Variants in MFAP3 observed in about 807,000 individuals in gnomAD.
MFAP3 encodes the protein microfibril associated protein 3, also known as microfibril-associated glycoprotein 3.
A neutral mutation model predicts 20.5 loss-of-function variants in MFAP3; 8 were observed. That is an observed-to-expected ratio of 0.39 (90% confidence interval 0.23 to 0.70). The LOEUF is 0.70. Among genes scored for constraint, MFAP3 ranks in the 30% least tolerant of loss-of-function variants. The pLI, the probability that MFAP3 is intolerant of heterozygous loss-of-function variation, is 0.44. For synonymous variants in MFAP3, 140 were observed against 154.0 expected (o/e 0.91, Z 0.67); for missense variants, 398 against 444.6 (o/e 0.90, Z 0.94).
intron 1 of MFAP3, among the ~76,000 whole-genome samples, chr5:154,041,534 A>G (rs1772952057): frequency 6.6e-6 from 1 of 152,254 alleles, no homozygotes; most frequent in South Asian, 2.1e-4. Flanking sequence ...ATTATCGTAC[A>G]TAGAGGCACC....
In MFAP3 at chr5:154,054,029, T is replaced by C. The variant is rs1034699663; in HGVS notation, c.*316T>C. 3.8e-5 allele frequency: 10 copies of C among 263,474 alleles called. No homozygotes were observed. The highest frequency in any genetic ancestry group is 7.8e-6 in the Non-Finnish European group (1 of 128,698). The allele number at this position is 263,474 out of a possible 1,614,324, so 16.3% of individuals were successfully genotyped here. On this transcript the variant is annotated 3_prime_UTR_variant, in exon 3 of 3. Coordinates refer to ENST00000522782, the MANE Select transcript of MFAP3 (RefSeq NM_005927.5). ...TCTCTTCTGGTCACAGTTCTTCCATTGGTTGGATCTGATACTTATCTTGGG... is the reference window on the plus strand; with the variant it reads ...TCTCTTCTGGTCACAGTTCTTCCATCGGTTGGATCTGATACTTATCTTGGG...
In MFAP3 at chr5:154,053,585, C is replaced by T. The variant is rs1773255586; in HGVS notation, c.961C>T (p.Gln321Ter). 6.2e-7 allele frequency: 1 copy of T among 1,613,804 alleles called. No homozygotes were observed. The highest frequency in any genetic ancestry group is 1.3e-5 in the African/African-American group (1 of 74,890). Residue 321 changes from glutamine (Q) to a stop codon, truncating the protein, a stop_gained, in exon 3 of 3, where the codon CAG becomes TAG. Coordinates refer to ENST00000522782, the MANE Select transcript of MFAP3 (RefSeq NM_005927.5). LOFTEE classifies it high-confidence loss of function. ...EIAVQVSVHL[Q>*]SETKSIDTES... The stretch of plus-strand genomic sequence containing the variant: ...AGCAGTTCAGGTTTCTGTCCACCTT[C>T]AGTCAGAAACCAAAAGTATTGATAC...
rs562869882 is a variant in MFAP3 at position 154,056,843 on chromosome 5, G to T, written c.*3130G>T. On this transcript the variant is annotated 3_prime_UTR_variant, in exon 3 of 3. Coordinates refer to ENST00000522782, the MANE Select transcript of MFAP3 (RefSeq NM_005927.5). ...TTAATTCTTGAGTCAGGGCCAGCAC[G>T]CATTTATATTTTCTACCAATTACCT... 3.9e-5 allele frequency among the ~76,000 whole-genome samples: 6 copies of T among 152,138 alleles called. No individual in the cohort carries two copies. Among genetic ancestry groups the T allele is most frequent in the Admixed American group, 1.3e-4 (2 of 15,270 alleles).
intron 1 of MFAP3, among the ~76,000 whole-genome samples, chr5:154,048,054 A>G (rs1561589402): frequency 6.6e-6 from 1 of 152,202 alleles, no homozygotes; most frequent in East Asian, 1.9e-4. Context: ...GTTTCTACCC[A>G]TCACCCCCTC....
intron 2 of MFAP3, among the ~76,000 whole-genome samples, chr5:154,052,226 T>A (rs995223657): frequency 1.3e-5 from 2 of 152,056 alleles, no homozygotes; most frequent in African/African-American, 4.8e-5. Context: ...TTGCCAAGCT[T>A]TTCATTTACC....
At chr5:154,043,040 A>G (rs968336402) in intron 1 of MFAP3, among the ~76,000 whole-genome samples, 4 of 152,178 alleles carry the variant, frequency 2.6e-5, no homozygotes, top group African/African-American at 7.2e-5. Context: ...CGGCAACAAG[A>G]CAATCTGTTA....
At chr5:154,039,887 G>T (rs1441625509) in intron 1 of MFAP3, among the ~76,000 whole-genome samples, 2 of 152,138 alleles carry the variant, frequency 1.3e-5, no homozygotes, top group Non-Finnish European at 2.9e-5. Flanking sequence ...AAGAGTAATT[G>T]TCACTTCTAA....
At position 154,053,106 on chromosome 5, in the gene MFAP3, T is replaced by C. The variant is rs1773239281; in HGVS notation, c.482T>C (p.Ile161Thr). 1.2e-6 allele frequency: 2 copies of C among 1,613,940 alleles called. No homozygotes were observed. Among genetic ancestry groups the C allele is most frequent in the Admixed American group, 1.7e-5 (1 of 59,960 alleles). The stretch of plus-strand genomic sequence containing the variant: ...ATTGTTTGCCTGATTGCCTTTACAA[T>C]CACACTCATCTTGAATGTCACACGG... ...YMIVCLIAFTITLILNVTRLC... is the reference protein window; with the variant it reads ...YMIVCLIAFTTTLILNVTRLC... The change falls in exon 3 of 3, where the codon ATC (isoleucine) becomes ACC (threonine). Residue 161 changes from isoleucine (I) to threonine (T), a missense_variant. By Grantham distance (89) the Ile-to-Thr change is moderately conservative. Transcript: ENST00000522782.
At chr5:154,045,802 T>C (rs1365937181) in intron 1 of MFAP3, among the ~76,000 whole-genome samples, 7 of 152,252 alleles carry the variant, frequency 4.6e-5, no homozygotes, top group Non-Finnish European at 8.8e-5. Flanking sequence ...TCTGCTACCC[T>C]GCTCTTATTA....
chr5:154,051,775 A>T (rs1010061932), intron 2 of MFAP3: 2 of 152,182 alleles, frequency 1.3e-5, no homozygotes, highest in African/African-American at 4.8e-5. Flanking sequence ...AATGGACAAA[A>T]TCCAGAGTGC....
chr5:154,044,178 A>G (rs1016616602), intron 1 of MFAP3, among the ~76,000 whole-genome samples: 2 of 152,220 alleles, frequency 1.3e-5, no homozygotes, highest in African/African-American at 4.8e-5. Context: ...ATCTTCCACG[A>G]TGGATCCTTG....
intron 2 of MFAP3, among the ~76,000 whole-genome samples, chr5:154,050,556 G>A (rs1012111214): frequency 6.7e-6 from 1 of 150,186 alleles, no homozygotes; most frequent in Non-Finnish European, 1.5e-5. Flanking sequence ...AAACTTTGAC[G>A]TCAGGTCTCA....
At chr5:154,046,973 TCTC>T (rs1027891619) in intron 1 of MFAP3, among the ~76,000 whole-genome samples, 4 of 152,140 alleles carry the variant, frequency 2.6e-5, no homozygotes, top group Non-Finnish European at 4.4e-5. Context: ...CCCAGTTAGT[TCTC>T]CTCCAGAATC....
Position 154,057,317 on chromosome 5 carries a change from A to G in MFAP3, c.*3604A>G, listed in dbSNP as rs766452478. Among the ~76,000 whole-genome samples, 1 of 152,266 alleles carries G rather than the reference A, an allele frequency of 6.6e-6. No homozygotes were observed. The highest frequency in any genetic ancestry group is 1.5e-5 in the Non-Finnish European group (1 of 68,048). On this transcript the variant is annotated 3_prime_UTR_variant, in exon 3 of 3. Transcript: ENST00000522782. ...TTTCACAAAAGTAAATAAGTATTTC[A>G]TATAATTCAGAGGATGTTTAAATTG...
chr5:154,042,127 C>A (rs1772968140), intron 1 of MFAP3, among the ~76,000 whole-genome samples: 1 of 152,118 alleles, frequency 6.6e-6, no homozygotes, highest in South Asian at 2.1e-4. Flanking sequence ...TGTTCATAAG[C>A]TGAACAAGTA....
chr5:154,041,289 G>T (rs1772944920), intron 1 of MFAP3, among the ~76,000 whole-genome samples: 1 of 152,246 alleles, frequency 6.6e-6, no homozygotes, highest in African/African-American at 2.4e-5. Flanking sequence ...GGAACAACTA[G>T]TAAGGTGAAA....
rs1336858196 is a variant in MFAP3, at chr5:154,054,041, A to T, written c.*328A>T. ...ACAGTTCTTCCATTGGTTGGATCTG[A>T]TACTTATCTTGGGACTTCAGTTTTT... On this transcript the variant is annotated 3_prime_UTR_variant, in exon 3 of 3. Transcript: ENST00000522782. The T allele has an allele frequency of 8.5e-6, 2 of 234,578 alleles. No homozygotes were observed. The highest frequency in any genetic ancestry group is 2.3e-5 in the African/African-American group (1 of 43,582). 14.5% of individuals were successfully genotyped at this position (234,578 alleles called of 1,614,324 possible).
At chr5:154,042,833 T>TAAA (rs59322564) in intron 1 of MFAP3, among the ~76,000 whole-genome samples, 1 of 149,114 alleles carries the variant, frequency 6.7e-6, no homozygotes, top group South Asian at 2.1e-4. Flanking sequence ...AATTGGAGTT[T>TAAA]AAAAAAAAAA....
intron 1 of MFAP3, among the ~76,000 whole-genome samples, chr5:154,044,229 G>A (rs1390754428): frequency 6.6e-6 from 1 of 152,214 alleles, no homozygotes; most frequent in Non-Finnish European, 1.5e-5. Context: ...AGTCTAGAAT[G>A]AGCAGAATGG....
Sources: gnomAD v4.1 joint callset for allele counts (sites outside exome capture counted in the v4.1 genomes callset) on GRCh38, gnomAD v4.1.1 for gene constraint, MANE v1.5 for transcripts, NCBI Gene and HGNC (gene_info 2026-07-23, HGNC 2026-07-21) for gene names.